Variants in MSI2 observed in about 807,000 individuals in gnomAD.
MSI2 encodes RNA-binding protein Musashi homolog 2.
A neutral mutation model predicts 45.6 loss-of-function variants in MSI2; 17 were observed. The ratio of observed to expected loss-of-function variants is 0.37; its 90% CI spans 0.26 to 0.56. MSI2 has a LOEUF of 0.56. MSI2 is among the 20% of genes least tolerant of loss of function. The pLI is 0.77. For missense variants in MSI2, 293 were observed against 444.2 expected, an observed-to-expected ratio of 0.66 and a Z score of 3.06; for synonymous variants, 156 against 158.2, an observed-to-expected ratio of 0.99 and a Z score of 0.11.
intron 8 of MSI2, among the ~76,000 whole-genome samples, chr17:57,611,710 GCCATGGTGGACGCC>G (rs1178524527): frequency 1.0e-5 from 1 of 95,930 alleles, no homozygotes; most frequent in African/African-American, 3.2e-5. Flanking sequence ...CCATGGAGAA[GCCATGGTGGACGCC>G]CCATCAGCAG....
intron 7 of MSI2, among the ~76,000 whole-genome samples, chr17:57,585,940 G>A (rs1173364228): frequency 6.6e-6 from 1 of 152,248 alleles, no homozygotes; most frequent in Non-Finnish European, 1.5e-5. Flanking sequence ...TGCAGTCCTG[G>A]CACCTTCTGC....
intron 5 of MSI2, among the ~76,000 whole-genome samples, chr17:57,361,606 CAAAA>C (rs34432170): frequency 9.8e-5 from 7 of 71,734 alleles, no homozygotes; most frequent in Non-Finnish European, 3.1e-5. Context: ...GACCTTGTCT[CAAAA>C]AAAAAAAAAA....
At chr17:57,353,707 AT>A (rs1306503755) in intron 5 of MSI2, among the ~76,000 whole-genome samples, 1 of 152,086 alleles carries the variant, frequency 6.6e-6, no homozygotes, top group Non-Finnish European at 1.5e-5. Flanking sequence ...TCTGATTATA[AT>A]TTTTTCCTTG....
intron 6 of MSI2, among the ~76,000 whole-genome samples, chr17:57,458,045 G>T (rs2085149426): frequency 1.3e-5 from 2 of 150,874 alleles, no homozygotes; most frequent in Admixed American, 1.3e-4. Context: ...ATACCATATT[G>T]CATATATATA....
the MSI2 span, among the ~76,000 whole-genome samples, chr17:57,692,899 C>CT: frequency 7.3e-4 from 102 of 138,904 alleles, 1 homozygote; most frequent in Non-Finnish European, 9.5e-4. Context: ...AATGCATGGG[C>CT]TTTTTTTTTT....
At position 57,256,815 on chromosome 17, in the gene MSI2, A is replaced by C; in HGVS notation, c.62+11A>C. On this transcript the variant is annotated intron_variant, in intron 1 of 13. Transcript: ENST00000284073. ...CCAGCACGACCCCGGGTAAGTTTCC[A>C]GCCGCTGCCCACCGCGCCGCCTTGG... The C allele has an allele frequency of 6.9e-7, 1 of 1,457,840 alleles. No individual in the cohort carries two copies. Among genetic ancestry groups the C allele is most frequent in the Non-Finnish European group, 9.0e-7 (1 of 1,107,328 alleles). 90.3% of individuals were successfully genotyped at this position (1,457,840 alleles called of 1,614,324 possible).
chr17:57,496,613 C>T (rs1042724466), intron 6 of MSI2, among the ~76,000 whole-genome samples: 2 of 152,346 alleles, frequency 1.3e-5, no homozygotes, highest in East Asian at 1.9e-4. Context: ...ACCACATCCC[C>T]GTGTGCTCCG....
intron 5 of MSI2, among the ~76,000 whole-genome samples, chr17:57,349,274 A>G (rs1284431470): frequency 6.6e-6 from 1 of 151,578 alleles, no homozygotes; most frequent in Non-Finnish European, 1.5e-5. Flanking sequence ...CAGCCCGGGG[A>G]TTTTCAGTGT....
chr17:57,342,748 A>G (rs1415535037), intron 5 of MSI2, among the ~76,000 whole-genome samples: 1 of 152,240 alleles, frequency 6.6e-6, no homozygotes, highest in African/African-American at 2.4e-5. Context: ...ATCTTAAAAA[A>G]TTAGAAACCA....
rs563946545 is a variant in MSI2, at chr17:57,517,175, C to G, written c.406-12501C>G. On this transcript the variant is annotated intron_variant, in intron 6 of 13. Transcript: ENST00000284073. ...TCATTTTGCTAATTTTTGACAGGGT[C>G]TTTGGGTCAGGACCAGGACTGGGAA... Among the ~76,000 whole-genome samples, 26 of 152,292 alleles carry G rather than the reference C, an allele frequency of 1.7e-4. No individual in the cohort carries two copies. In the South Asian group the frequency reaches 5.4e-3, roughly 32 times the overall value.
At position 57,618,676 on chromosome 17, in the gene MSI2, T is replaced by A. The variant is rs1012442289; in HGVS notation, c.652+2592T>A. ...CTCCTGCCTCAGCCTCCCGAGTAGC[T>A]GGGATTACAGGCGCGCGCCACCACA... On this transcript the variant is annotated intron_variant, in intron 9 of 13. Coordinates refer to ENST00000284073, the MANE Select transcript of MSI2 (RefSeq NM_138962.4). 2.6e-5 allele frequency among the ~76,000 whole-genome samples: 4 copies of A among 152,266 alleles called. No individual in the cohort carries two copies. The East Asian group carries it at 7.8e-4, about 30-fold the overall frequency.
chr17:57,450,291 GAAAGAAA>G (rs1567830860), intron 6 of MSI2: 14 of 139,878 alleles, frequency 1.0e-4, no homozygotes, highest in South Asian at 2.9e-4. Context: ...AAGAAAGAAA[GAAAGAAA>G]GAAAGAAAGA....
chr17:57,262,427 G>A lies in MSI2; in HGVS notation c.312+235G>A, dbSNP rs1018610409. ...GCAGGGACAAGTCTGATGCTTAGTGGGAGGACGTGTTTCCATCGACTGCAG... is the reference window on the plus strand; with the variant it reads ...GCAGGGACAAGTCTGATGCTTAGTGAGAGGACGTGTTTCCATCGACTGCAG... On this transcript the variant is annotated intron_variant, in intron 5 of 13. Coordinates refer to ENST00000284073, the MANE Select transcript of MSI2 (RefSeq NM_138962.4). 9.2e-6 allele frequency: 4 copies of A among 435,536 alleles called. No individual in the cohort carries two copies. The South Asian group carries it at 2.5e-4, about 28-fold the overall frequency. The allele number at this position is 435,536 out of a possible 1,614,324, so 27.0% of individuals were successfully genotyped here.
intron 6 of MSI2, among the ~76,000 whole-genome samples, chr17:57,445,439 G>A (rs2084879133): frequency 6.6e-6 from 1 of 152,060 alleles, no homozygotes; most frequent in Admixed American, 6.5e-5. Flanking sequence ...CAATTTCCTG[G>A]GACTTTTGTC....
intron 7 of MSI2, among the ~76,000 whole-genome samples, chr17:57,588,781 A>G (rs116361644): frequency 0.037 from 5,569 of 152,308 alleles, 130 homozygotes; most frequent in Middle Eastern, 0.071. Flanking sequence ...TGACAGAGAC[A>G]GGGTTCAGGG....
At chr17:57,416,670 T>C (rs1018877474) in intron 6 of MSI2, among the ~76,000 whole-genome samples, 1 of 152,180 alleles carries the variant, frequency 6.6e-6, no homozygotes, top group Non-Finnish European at 1.5e-5. Context: ...TTATGCTGGT[T>C]TCTCTTAGAC....
At chr17:57,673,784 G>A (rs575822315) in intron 11 of MSI2, among the ~76,000 whole-genome samples, 13 of 152,062 alleles carry the variant, frequency 8.5e-5, no homozygotes, top group South Asian at 2.1e-4. Context: ...GGATTTGTGC[G>A]TGTCAAGTCC....
intron 6 of MSI2, among the ~76,000 whole-genome samples, chr17:57,404,730 A>T (rs985946244): frequency 1.1e-4 from 16 of 152,090 alleles, no homozygotes; most frequent in Non-Finnish European, 2.2e-4. Context: ...GACTGCTATC[A>T]AGGGGCTGAG....
intron 5 of MSI2, among the ~76,000 whole-genome samples, chr17:57,291,848 A>T (rs1910448316): frequency 6.6e-6 from 1 of 152,086 alleles, no homozygotes; most frequent in African/African-American, 2.4e-5. Flanking sequence ...CACTGTCTAC[A>T]GCCATACCAC....
Sources: allele counts gnomAD v4.1 joint callset (sites outside exome capture counted in the v4.1 genomes callset), GRCh38; gene constraint gnomAD v4.1.1; transcripts MANE v1.5; gene names NCBI Gene and HGNC (gene_info 2026-07-23, HGNC 2026-07-21).